The following SPAG17 variants were observed in gnomAD, a reference collection of about 807,000 sequenced individuals.
The protein encoded by SPAG17 is sperm associated antigen 17.
Under a neutral mutation model 273.6 loss-of-function variants are expected in SPAG17, and 169 were observed. The observed-to-expected ratio is 0.62, with a 90% confidence interval of 0.55 to 0.70. The LOEUF (loss-of-function observed/expected upper bound fraction) is 0.70, where lower values mean the gene tolerates loss of function less well. Ranked by LOEUF, SPAG17 falls within the 30% of genes least tolerant of loss-of-function variation. The pLI, the probability that SPAG17 is intolerant of heterozygous loss-of-function variation, is 0.00. For missense variants in SPAG17, 2,557 were observed against 2,627.8 expected (o/e 0.97, Z 0.59); for synonymous variants, 825 against 873.2 (o/e 0.94, Z 0.97).
intron 3 of SPAG17, among the ~76,000 whole-genome samples, chr1:118,147,795 C>A (rs1558045639): frequency 6.6e-6 from 1 of 152,148 alleles, no homozygotes; most frequent in Non-Finnish European, 1.5e-5. Flanking sequence ...TTTGCTAGCC[C>A]AGACATTTGG....
rs1659929091 is a variant in SPAG17 at position 118,016,003 on chromosome 1, A to G, written c.4249T>C (p.Leu1417=). 6.2e-6 allele frequency: 10 copies of G among 1,614,036 alleles called. No individual in the cohort carries two copies. The highest frequency in any genetic ancestry group is 8.5e-6 in the Non-Finnish European group (10 of 1,179,928). ...GGATCTGTGGCCTGAAAGGATAACA[A>G]TGGGGTCAAGTCTGCTATTCTTTCT... ...GLERIADLTP[L]LSFQATDPVN... Residue 1417 remains leucine, a synonymous_variant, in exon 29 of 49, where the codon TTG becomes CTG. Transcript: ENST00000336338.
chr1:118,036,436 T>C (rs1057022404), intron 24 of SPAG17, among the ~76,000 whole-genome samples: 2 of 152,082 alleles, frequency 1.3e-5, no homozygotes, highest in Non-Finnish European at 2.9e-5. Flanking sequence ...AACTGGTATA[T>C]ATGTGTGTAT....
chr1:118,041,712 G>A, intron 21 of SPAG17, 91 bp downstream of exon 21: 1 of 1,508,110 alleles, frequency 6.6e-7, no homozygotes, highest in Non-Finnish European at 8.9e-7. Context: ...CTGTGGGGTA[G>A]TGAAAACAAA....
chr1:118,055,970 A>G (rs1651630409), intron 18 of SPAG17, 56 bp from the exon 19 acceptor site: 1 of 1,402,468 alleles, frequency 7.1e-7, no homozygotes, highest in Non-Finnish European at 9.8e-7. Context: ...AATAAATACT[A>G]AGGATATTGA....
chr1:118,005,675 T>C (rs1030406850), intron 31 of SPAG17, 73 bp from the exon 32 acceptor site: 1 of 1,118,528 alleles, frequency 8.9e-7, no homozygotes, highest in Admixed American at 3.5e-5. Flanking sequence ...AAAACCATTT[T>C]AGGAGAAAGA....
At chr1:118,127,580 TTA>T (rs1657810780) in intron 3 of SPAG17, among the ~76,000 whole-genome samples, 2 of 152,254 alleles carry the variant, frequency 1.3e-5, no homozygotes, top group Non-Finnish European at 2.9e-5. Context: ...ACAGTGGGGG[TTA>T]TATTTCAACA....
intron 15 of SPAG17, among the ~76,000 whole-genome samples, chr1:118,078,285 T>C (rs1260981819): frequency 6.6e-6 from 1 of 152,130 alleles, no homozygotes; most frequent in Non-Finnish European, 1.5e-5. Flanking sequence ...TCTTTTTTTA[T>C]CCAATTTTGG....
intron 3 of SPAG17, among the ~76,000 whole-genome samples, chr1:118,146,101 A>T (rs1658972315): frequency 6.6e-6 from 1 of 152,204 alleles, no homozygotes; most frequent in Non-Finnish European, 1.5e-5. Context: ...TAAATTGGAT[A>T]AGTAAACCCC....
intron 15 of SPAG17, among the ~76,000 whole-genome samples, chr1:118,080,458 G>A (rs72631723): frequency 0.057 from 8,748 of 152,166 alleles, 429 homozygotes; most frequent in East Asian, 0.27. Context: ...AAAAGGTTTT[G>A]GGAAAAGTAA....
In SPAG17 at chr1:118,081,264, C is replaced by T. The variant is rs779773737; in HGVS notation, c.2046G>A (p.Val682=). The T allele has an allele frequency of 1.2e-6, 2 of 1,614,060 alleles. No individual in the cohort carries two copies. Among genetic ancestry groups the T allele is most frequent in the Non-Finnish European group, 8.5e-7 (1 of 1,180,000 alleles). Residue 682 remains valine (V), a synonymous_variant, in exon 15 of 49, where the codon GTG becomes GTA. Transcript: ENST00000336338. ...GTTCTCGGTTGCTTTCATTATCTTG[C>T]ACAGACATTGACAAATTCTGATCCA... ...LFVDQNLSMS[V]QDNESNREPS... is the part of the protein sequence containing the mutation.
chr1:118,027,999 G>A (rs1053152894), intron 26 of SPAG17, among the ~76,000 whole-genome samples: 3 of 152,150 alleles, frequency 2.0e-5, no homozygotes, highest in Non-Finnish European at 4.4e-5. Flanking sequence ...TGGGAGTTGA[G>A]TGACCTTGGG....
At chr1:118,015,054 G>T (rs1480250302) in intron 29 of SPAG17, among the ~76,000 whole-genome samples, 2 of 152,114 alleles carry the variant, frequency 1.3e-5, no homozygotes, top group Admixed American at 6.6e-5. Flanking sequence ...GGAGGCTGAG[G>T]CGGGCCGATC....
chr1:118,015,921 C>T (rs1431631535), intron 29 of SPAG17, 44 bp downstream of exon 29: 16 of 1,568,178 alleles, frequency 1.0e-5, no homozygotes, highest in Middle Eastern at 1.9e-4. Flanking sequence ...TTTCAGAATA[C>T]TAATGACTTA....
chr1:118,039,459 T>C lies in SPAG17; in HGVS notation c.3167-15A>G, dbSNP rs1226645339. On this transcript the variant is annotated splice_polypyrimidine_tract_variant and intron_variant, in intron 22 of 48. Transcript: ENST00000336338. ...AAAAGTTGGGCCTGAGGAGGAACCA[T>C]AGAATAGAAGATGGGCTGATTAGGA... The C allele has an allele frequency of 4.3e-6, 7 of 1,612,562 alleles. No individual in the cohort carries two copies. Among genetic ancestry groups the C allele is most frequent in the African/African-American group, 1.3e-5 (1 of 74,924 alleles).
intron 5 of SPAG17, 82 bp from the exon 6 acceptor site, chr1:118,099,882 A>G (rs1420337700): frequency 2.6e-6 from 3 of 1,158,328 alleles, no homozygotes; most frequent in African/African-American, 3.1e-5. Context: ...GGCTATATAC[A>G]TTATGCATGC....
At chr1:118,066,976 C>G in intron 17 of SPAG17, 77 bp from the exon 18 acceptor site, 9 of 1,376,102 alleles carry the variant, frequency 6.5e-6, no homozygotes, top group Non-Finnish European at 8.8e-6. Flanking sequence ...GGGCATTTCT[C>G]TACTCCCTTT....
intron 13 of SPAG17, among the ~76,000 whole-genome samples, chr1:118,083,453 T>C (rs1312495602): frequency 6.6e-6 from 1 of 151,848 alleles, no homozygotes; most frequent in Admixed American, 6.6e-5. Context: ...GCTGGGATGG[T>C]AGTGAGGAGT....
At chr1:118,059,607 T>C (rs974546833) in intron 18 of SPAG17, among the ~76,000 whole-genome samples, 2 of 152,122 alleles carry the variant, frequency 1.3e-5, no homozygotes, top group African/African-American at 4.8e-5. Flanking sequence ...TGCTGTTCAA[T>C]GTTGTGTACA....
chr1:118,012,654 A>G (rs1421239130), intron 29 of SPAG17, among the ~76,000 whole-genome samples: 5 of 152,172 alleles, frequency 3.3e-5, no homozygotes, highest in Non-Finnish European at 7.4e-5. Flanking sequence ...TAACATCTGG[A>G]CTGGGTTAAC....
Sources: gnomAD v4.1 joint callset for allele counts (sites outside exome capture counted in the v4.1 genomes callset) on GRCh38, gnomAD v4.1.1 for gene constraint, MANE v1.5 for transcripts, NCBI Gene and HGNC (gene_info 2026-07-23, HGNC 2026-07-21) for gene names.